The following BMP7 variants were observed in gnomAD, a reference collection of about 807,000 sequenced individuals.
BMP7 encodes osteogenic protein 1.
BMP7 carries 12 observed loss-of-function variants against 41.2 expected under a neutral mutation model. That is an observed-to-expected ratio of 0.29 (90% confidence interval 0.19 to 0.47). The LOEUF (loss-of-function observed/expected upper bound fraction) is 0.47. BMP7 is among the 20% of genes least tolerant of loss of function. The pLI is 0.99. For synonymous variants in BMP7, 248 were observed against 250.0 expected, an observed-to-expected ratio of 0.99 and a Z score of 0.07; for missense variants, 467 against 606.0, an observed-to-expected ratio of 0.77 and a Z score of 2.41.
chr20:57,200,475 G>C (rs547220360), intron 3 of BMP7, among the ~76,000 whole-genome samples: 11 of 152,318 alleles, frequency 7.2e-5, no homozygotes, highest in African/African-American at 2.4e-4. Flanking sequence ...GGAATGATGA[G>C]GGCAGGACTG....
intron 5 of BMP7, 74 bp from the exon 6 acceptor site, chr20:57,173,384 A>G: frequency 7.0e-7 from 1 of 1,419,414 alleles, no homozygotes; most frequent in Non-Finnish European, 9.8e-7. Context: ...CATGCTGGCC[A>G]GAAACCACCA....
At chr20:57,175,320 C>T (rs896111756) in intron 4 of BMP7, among the ~76,000 whole-genome samples, 1 of 152,206 alleles carries the variant, frequency 6.6e-6, no homozygotes, top group Non-Finnish European at 1.5e-5. Context: ...TAAATGCTGA[C>T]ATCTGCCTGG....
At position 57,224,294 on chromosome 20, in the gene BMP7, C is replaced by T. The variant is rs1361625398; in HGVS notation, c.611+3935G>A. The stretch of plus-strand genomic sequence containing the variant: ...AAAATCACTGAGATGAACCCAGGGA[C>T]ATTTTCATCCAGCTGCCAACATCAT... On this transcript the variant is annotated intron_variant, in intron 2 of 6. Coordinates refer to ENST00000395863, the MANE Select transcript of BMP7 (RefSeq NM_001719.3). The surrounding 1 kb of genome is among the most constrained non-coding windows in gnomAD (Gnocchi z 4.8). 1.3e-5 allele frequency among the ~76,000 whole-genome samples: 2 copies of T among 152,224 alleles called. No homozygotes were observed. Among genetic ancestry groups the T allele is most frequent in the Non-Finnish European group, 2.9e-5 (2 of 68,044 alleles).
At chr20:57,173,434 C>A (rs1040879793) in intron 5 of BMP7, 124 bp from the exon 6 acceptor site, 9 of 923,990 alleles carry the variant, frequency 9.7e-6, no homozygotes, top group South Asian at 8.4e-5. Flanking sequence ...TCAGACCATG[C>A]CTTCTGAGCA....
chr20:57,175,030 A>C (rs1488737836), intron 4 of BMP7, 23 bp from the exon 5 acceptor site: 2 of 1,604,872 alleles, frequency 1.2e-6, no homozygotes, highest in South Asian at 2.2e-5. Flanking sequence ...GGAAGTGAAG[A>C]AGCAGAGCCC....
chr20:57,248,220 A>C (rs912078313), intron 1 of BMP7, among the ~76,000 whole-genome samples: 2 of 152,240 alleles, frequency 1.3e-5, no homozygotes, highest in Non-Finnish European at 1.5e-5. Flanking sequence ...TAACTTTTGT[A>C]AATCTAACTG....
At chr20:57,216,732 G>A (rs998131801) in intron 2 of BMP7, among the ~76,000 whole-genome samples, 1 of 152,190 alleles carries the variant, frequency 6.6e-6, no homozygotes, top group South Asian at 2.1e-4. Flanking sequence ...GGTGTGTGGG[G>A]AGGGGAAGCC....
At chr20:57,241,208 C>T (rs2066067934) in intron 1 of BMP7, among the ~76,000 whole-genome samples, 1 of 152,192 alleles carries the variant, frequency 6.6e-6, no homozygotes, top group African/African-American at 2.4e-5. Context: ...TGCCAGTGAC[C>T]TCTTAGCTGT....
At chr20:57,211,913 T>C (rs1228826581) in intron 2 of BMP7, among the ~76,000 whole-genome samples, 1 of 152,198 alleles carries the variant, frequency 6.6e-6, no homozygotes, top group Non-Finnish European at 1.5e-5. Context: ...AAATGTGTGT[T>C]GTCTTAAGCC....
chr20:57,243,958 G>C (rs376570744), intron 1 of BMP7: 1 of 146,096 alleles, frequency 6.8e-6, no homozygotes, highest in South Asian at 2.2e-4. Context: ...GAGCAGAGCC[G>C]GGCGAGAGGG....
chr20:57,212,623 G>A (rs1212758420), intron 2 of BMP7, among the ~76,000 whole-genome samples: 3 of 152,244 alleles, frequency 2.0e-5, no homozygotes, highest in African/African-American at 4.8e-5. Context: ...GCGAGCCAGC[G>A]AGCATGGCCA....
At chr20:57,252,449 G>C (rs111230803) in intron 1 of BMP7, among the ~76,000 whole-genome samples, 126 of 152,280 alleles carry the variant, frequency 8.3e-4, no homozygotes, top group African/African-American at 3.0e-3. Context: ...GCCAAGAGAG[G>C]GGAACAAGGT....
chr20:57,180,072 G>C (rs915527432), intron 4 of BMP7, among the ~76,000 whole-genome samples: 1 of 152,086 alleles, frequency 6.6e-6, no homozygotes, highest in African/African-American at 2.4e-5. Flanking sequence ...TACACTTCCT[G>C]CCTGGATGAT....
intron 4 of BMP7, among the ~76,000 whole-genome samples, chr20:57,182,435 C>T (rs560557989): frequency 9.9e-4 from 151 of 152,372 alleles, no homozygotes; most frequent in Middle Eastern, 3.4e-3. Flanking sequence ...CCCCAGTGCC[C>T]GGGACAAAGC....
rs2066017159 is a variant in BMP7 at position 57,228,599 on chromosome 20, T to G, written c.419-178A>C. ...CACTGTAGACTGGAGGGTCACAGGC[T>G]CAGACCCCATGGTCCCCATGGTCAT... On this transcript the variant is annotated intron_variant, in intron 1 of 6. Coordinates refer to ENST00000395863, the MANE Select transcript of BMP7 (RefSeq NM_001719.3). This position sits in a 1 kb window ranked among gnomAD's most constrained non-coding sequence, Gnocchi z 4.5. Among the ~76,000 whole-genome samples, 1 of 152,184 alleles carries G rather than the reference T, an allele frequency of 6.6e-6. No individual in the cohort carries two copies. The highest frequency in any genetic ancestry group is 6.5e-5 in the Admixed American group (1 of 15,278).
At chr20:57,237,280 G>A (rs557585722) in intron 1 of BMP7, among the ~76,000 whole-genome samples, 1 of 152,302 alleles carries the variant, frequency 6.6e-6, no homozygotes, top group Non-Finnish European at 1.5e-5. Context: ...GTCAGAACTG[G>A]GTTTTCACAG....
At chr20:57,175,765 C>T (rs1381214477) in intron 4 of BMP7, among the ~76,000 whole-genome samples, 1 of 152,194 alleles carries the variant, frequency 6.6e-6, no homozygotes, top group African/African-American at 2.4e-5. Flanking sequence ...CATGACCTGT[C>T]TTTCCTCCAC....
intron 2 of BMP7, among the ~76,000 whole-genome samples, chr20:57,208,582 G>A (rs1023496646): frequency 6.6e-6 from 1 of 152,144 alleles, no homozygotes; most frequent in Non-Finnish European, 1.5e-5. Context: ...CAGTAATTCA[G>A]CTACCCACAG....
At position 57,251,507 on chromosome 20, in the gene BMP7, G is replaced by A. The variant is rs528252849; in HGVS notation, c.418+14198C>T. 1.9e-3 allele frequency among the ~76,000 whole-genome samples: 292 copies of A among 152,340 alleles called. 1 individual carries two copies. Among genetic ancestry groups the A allele is most frequent in the African/African-American group, 6.5e-3 (270 of 41,582 alleles). On this transcript the variant is annotated intron_variant, in intron 1 of 6. Coordinates refer to ENST00000395863, the MANE Select transcript of BMP7 (RefSeq NM_001719.3). ...GCACATGCCTCATGTTAAAGATGCA[G>A]AGGAGTCTTCCGAGGGGACATCCTT...
Sources: allele counts gnomAD v4.1 joint callset (sites outside exome capture counted in the v4.1 genomes callset), GRCh38; gene constraint gnomAD v4.1.1; non-coding constraint Gnocchi (gnomAD v3.1); transcripts MANE v1.5; gene names NCBI Gene and HGNC (gene_info 2026-07-23, HGNC 2026-07-21).